The following RBFOX1 variants were observed in gnomAD, a reference collection of about 807,000 sequenced individuals.
The protein encoded by RBFOX1 is RNA binding protein fox-1 homolog 1.
A neutral mutation model predicts 57.7 loss-of-function variants in RBFOX1; 8 were observed. That is an observed-to-expected ratio of 0.14 (90% CI 0.08 to 0.25). RBFOX1 has a LOEUF of 0.25. RBFOX1 is among the 10% of genes least tolerant of loss of function. RBFOX1 has a pLI of 1.00. For missense variants in RBFOX1, 611 were observed against 548.5 expected (o/e 1.11, Z -1.14); for synonymous variants, 326 against 222.4 (o/e 1.47, Z -4.15).
Position 7,046,628 on chromosome 16 carries a change from G to A in RBFOX1, c.-15-5429G>A, listed in dbSNP as rs575174341. ...CTTTTTTTTTTTTTTTTTTTTTTTGGAGTTGGGGAGTACAGAGTCTCAGTC... is the reference window on the plus strand; with the variant it reads ...CTTTTTTTTTTTTTTTTTTTTTTTGAAGTTGGGGAGTACAGAGTCTCAGTC... On this transcript the variant is annotated intron_variant, in intron 3 of 15. Transcript: ENST00000550418. 2.2e-3 allele frequency among the ~76,000 whole-genome samples: 172 copies of A among 79,992 alleles called. 2 individuals carry two copies. Among genetic ancestry groups the A allele is most frequent in the African/African-American group, 9.2e-3 (158 of 17,172 alleles). The allele number at this position is 79,992 out of a possible 152,430, so 52.5% of individuals were successfully genotyped here. A position where few individuals can be genotyped will look rare whatever the true frequency, so the allele number is the denominator to read the frequency against.
intron 1 of RBFOX1, among the ~76,000 whole-genome samples, chr16:6,276,116 C>T (rs2075774866): frequency 6.6e-6 from 1 of 152,236 alleles, no homozygotes; most frequent in Non-Finnish European, 1.5e-5. Context: ...CATCATTTCT[C>T]ATTAAATAAA....
At chr16:6,492,623 C>A (rs1026902815) in intron 2 of RBFOX1, among the ~76,000 whole-genome samples, 23 of 152,042 alleles carry the variant, frequency 1.5e-4, no homozygotes, top group African/African-American at 4.1e-4. Flanking sequence ...TTTGACCCAG[C>A]CTTTCTGCCT....
At chr16:6,823,709 C>G (rs1265166772) in intron 3 of RBFOX1, among the ~76,000 whole-genome samples, 1 of 152,160 alleles carries the variant, frequency 6.6e-6, no homozygotes, top group African/African-American at 2.4e-5. Context: ...TTTGTTCATT[C>G]ATTCATTCAA....
intron 2 of RBFOX1, among the ~76,000 whole-genome samples, chr16:6,355,954 A>T (rs1235018394): frequency 6.6e-6 from 1 of 152,142 alleles, no homozygotes; most frequent in African/African-American, 2.4e-5. Flanking sequence ...CATGGGCCAA[A>T]CTTAAAGAAC....
chr16:7,098,524 A>G (rs913711225), intron 4 of RBFOX1, among the ~76,000 whole-genome samples: 2 of 152,234 alleles, frequency 1.3e-5, no homozygotes, highest in Non-Finnish European at 2.9e-5. Flanking sequence ...AAGATAGCAT[A>G]CTTTACTTTA....
chr16:7,574,110 A>G (rs532403623), intron 5 of RBFOX1, among the ~76,000 whole-genome samples: 1 of 152,286 alleles, frequency 6.6e-6, no homozygotes, highest in South Asian at 2.1e-4. Context: ...GCACACTAGT[A>G]GGTACTGGGA....
chr16:5,856,886 G>A (rs1182771442), intron 3 of RBFOX1, among the ~76,000 whole-genome samples: 2 of 152,012 alleles, frequency 1.3e-5, no homozygotes, highest in East Asian at 3.9e-4. Context: ...CAGCAAGGCT[G>A]TTTCACTTTC....
At chr16:5,454,950 CCTTCCTTCCTTT>C (rs1452275592) in intron 1 of RBFOX1, among the ~76,000 whole-genome samples, 132 of 42,614 alleles carry the variant, frequency 3.1e-3, no homozygotes, top group African/African-American at 8.6e-3. Flanking sequence ...TTCCTTCCTT[CCTTCCTTCCTTT>C]CTTTCTTTCT....
At chr16:6,639,146 A>T (rs1156777780) in intron 2 of RBFOX1, among the ~76,000 whole-genome samples, 1 of 152,210 alleles carries the variant, frequency 6.6e-6, no homozygotes, top group East Asian at 1.9e-4. Context: ...CATAAGAATG[A>T]TAAATTTTTT....
chr16:7,644,494 C>G (rs1359854727), intron 11 of RBFOX1, among the ~76,000 whole-genome samples: 1 of 152,164 alleles, frequency 6.6e-6, no homozygotes, highest in African/African-American at 2.4e-5. Context: ...CTCCATCACC[C>G]CAGAGTTTCT....
chr16:6,903,079 G>C (rs770126212), intron 3 of RBFOX1, among the ~76,000 whole-genome samples: 1 of 152,170 alleles, frequency 6.6e-6, no homozygotes, highest in South Asian at 2.1e-4. Flanking sequence ...GGAGCAACCT[G>C]ACTCAGGACT....
At chr16:5,909,258 A>C (rs904226507) in intron 4 of RBFOX1, among the ~76,000 whole-genome samples, 1 of 151,810 alleles carries the variant, frequency 6.6e-6, no homozygotes, top group Admixed American at 6.6e-5. Flanking sequence ...ACGCCTGGGT[A>C]ATTTTTTGTA....
rs74958776 is a variant in RBFOX1, at chr16:6,093,725, G to C, written c.-127+73733G>C. Among the ~76,000 whole-genome samples the C allele has an allele frequency of 1.2e-3, 177 of 151,998 alleles. 3 individuals are homozygous for C. The East Asian group carries it at 0.028, about 24-fold the overall frequency. On this transcript the variant is annotated intron_variant, in intron 1 of 15. Transcript: ENST00000550418. ...CAGCCTTAACCTCCTAGGCTCAAGCGATCCTTTCTCCTCAGCCTCCTAAAT... is the reference window on the plus strand; with the variant it reads ...CAGCCTTAACCTCCTAGGCTCAAGCCATCCTTTCTCCTCAGCCTCCTAAAT...
At position 5,783,283 on chromosome 16, in the gene RBFOX1, A is replaced by G. The variant is rs535496974; in HGVS notation, c.319-84020A>G. ...ACTATCTTTTCAATCTATGTATAAG[A>G]TATCTCTCTCCTCCCAGAAACTATC... On this transcript the variant is annotated intron_variant, in intron 3 of 19. Coordinates refer to the RBFOX1 transcript ENST00000641259. Among the ~76,000 whole-genome samples, 7 of 152,306 alleles carry G rather than the reference A, an allele frequency of 4.6e-5. No homozygotes were observed. In the South Asian group the frequency reaches 1.5e-3, roughly 32 times the overall value.
At chr16:6,758,265 T>C (rs190700107) in intron 3 of RBFOX1, among the ~76,000 whole-genome samples, 1 of 152,208 alleles carries the variant, frequency 6.6e-6, no homozygotes. Flanking sequence ...CTTGCTTTGT[T>C]GGTGTAAACT....
chr16:5,771,925 G>A (rs766386279), intron 3 of RBFOX1, among the ~76,000 whole-genome samples: 1 of 152,176 alleles, frequency 6.6e-6, no homozygotes, highest in Non-Finnish European at 1.5e-5. Flanking sequence ...TGTAATCCCA[G>A]CACTTTGGGA....
intron 3 of RBFOX1, among the ~76,000 whole-genome samples, chr16:6,694,726 T>C (rs2060759025): frequency 2.0e-5 from 3 of 152,112 alleles, no homozygotes; most frequent in Non-Finnish European, 4.4e-5. Context: ...AGCAACTCCA[T>C]TGGTAATAGG....
chr16:7,620,322 T>A (rs1440814342), intron 10 of RBFOX1, among the ~76,000 whole-genome samples: 2 of 152,188 alleles, frequency 1.3e-5, no homozygotes, highest in Non-Finnish European at 2.9e-5. Context: ...CTCAGAGAAG[T>A]ACAGAGTTTT....
chr16:7,025,830 C>G lies in RBFOX1; in HGVS notation c.-15-26227C>G, dbSNP rs1053135005. Among the ~76,000 whole-genome samples the G allele has an allele frequency of 2.0e-5, 3 of 152,140 alleles. No individual in the cohort carries two copies. The South Asian group carries it at 6.2e-4, about 31-fold the overall frequency. On this transcript the variant is annotated intron_variant, in intron 3 of 15. Transcript: ENST00000550418. ...TTCAAACTGGAGCAGCCATATCTGA[C>G]AGCAACCCCAGGTCAGGGATTCAAA... is the stretch of plus-strand genomic sequence containing the variant.
Sources: allele counts gnomAD v4.1 joint callset (sites outside exome capture counted in the v4.1 genomes callset), GRCh38; gene constraint gnomAD v4.1.1; transcripts MANE v1.5; gene names NCBI Gene and HGNC (gene_info 2026-07-23, HGNC 2026-07-21).